PRPS2: variants seen among roughly 807,000 people sequenced by gnomAD.
PRPS2 encodes the protein ribose-phosphate pyrophosphokinase 2.
For missense variants in PRPS2, 104 were observed against 271.5 expected (o/e 0.38, Z 4.34); for synonymous variants, 111 against 115.3 (o/e 0.96, Z 0.24).
intron 3 of PRPS2, 91 bp from the exon 4 acceptor site, chrX:12,809,931 G>A: frequency 9.5e-7 from 1 of 1,052,303 alleles, no homozygotes; most frequent in Non-Finnish European, 1.2e-6. Flanking sequence ...AAATGCAAAT[G>A]TTATTTAATG....
At chrX:12,802,967 T>G (rs1489971157) in intron 2 of PRPS2, among the ~76,000 whole-genome samples, 1 of 112,157 alleles carries the variant, frequency 8.9e-6, no homozygotes, top group African/African-American at 3.2e-5. Flanking sequence ...GTCATGTGGT[T>G]TCTCGTTAGA....
intron 4 of PRPS2, among the ~76,000 whole-genome samples, chrX:12,811,993 C>G (rs773608038): frequency 1.8e-5 from 2 of 111,929 alleles, no homozygotes; most frequent in South Asian, 7.4e-4. Flanking sequence ...TGCAAAGACC[C>G]TAGGTGGGCA....
chrX:12,819,507 G>A lies in PRPS2; in HGVS notation c.531G>A (p.Arg177=), dbSNP rs763947126. Residue 177 remains arginine, a splice_region_variant and synonymous_variant, in exon 5 of 7, where the codon AGG becomes AGA. Transcript: ENST00000380668. ...IVSPDAGGAK[R]VTSIADRLNV... is the part of the protein sequence containing the mutation. Reference sequence around the variant, plus strand: ...ACATGTTCATTTGTGCCTTTGCCAGGGTTACATCAATTGCAGACAGGTTGA... The same window carrying A: ...ACATGTTCATTTGTGCCTTTGCCAGAGTTACATCAATTGCAGACAGGTTGA... The A allele has an allele frequency of 2.5e-6, 3 of 1,207,439 alleles. No homozygotes were observed. The highest frequency in any genetic ancestry group is 3.4e-6 in the Non-Finnish European group (3 of 892,846).
rs1327310650 is a variant in PRPS2 at position 12,823,072 on chromosome X, TCTTC to T, written c.*280_*283del. ...TGACTTTTAACAGGTACAGGTGATC[TCTTC>T]CTTTGTTCTTTCAGTACTTTGAGGC... On this transcript the variant is annotated 3_prime_UTR_variant, in exon 7 of 7. Coordinates refer to ENST00000380668, the MANE Select transcript of PRPS2 (RefSeq NM_002765.5). The T allele has an allele frequency of 3.7e-6, 1 of 270,483 alleles. No homozygotes were observed. Among genetic ancestry groups the T allele is most frequent in the African/African-American group, 2.8e-5 (1 of 35,551 alleles). The allele number at this position is 270,483 out of a possible 1,213,427, so 22.3% of individuals were successfully genotyped here.
In PRPS2 at chrX:12,819,660, C is replaced by T. The variant is rs768490148; in HGVS notation, c.684C>T (p.Thr228=). The T allele has an allele frequency of 3.1e-5, 37 of 1,209,453 alleles. No individual in the cohort carries two copies. Among genetic ancestry groups the T allele is most frequent in the Non-Finnish European group, 4.0e-5 (36 of 894,769 alleles). Residue 228 remains threonine (T), a synonymous_variant, in exon 5 of 7, where the codon ACC becomes ACT. Coordinates refer to ENST00000380668, the MANE Select transcript of PRPS2 (RefSeq NM_002765.5). ...ATGACATGGCTGACACTTGCGGCAC[C>T]ATCTGCCATGCTGCGGACAAGTACG... is the stretch of plus-strand genomic sequence containing the variant. ...LVDDMADTCG[T]ICHAADKLLS...
intron 4 of PRPS2, among the ~76,000 whole-genome samples, chrX:12,817,890 G>C (rs184201693): frequency 1.9e-4 from 21 of 111,237 alleles, no homozygotes; most frequent in Non-Finnish European, 1.3e-4. Flanking sequence ...GGCCTGGGGG[G>C]AGGGGAGAAT....
chrX:12,820,609 C>T (rs750938323), intron 5 of PRPS2, 35 bp from the exon 6 acceptor site: 4 of 1,179,541 alleles, frequency 3.4e-6, no homozygotes, highest in Non-Finnish European at 4.6e-6. Flanking sequence ...AGAATATTTG[C>T]ATACCCTTAA....
chrX:12,808,206 A>G (rs1235885772), intron 2 of PRPS2, among the ~76,000 whole-genome samples: 3 of 111,102 alleles, frequency 2.7e-5, no homozygotes, highest in South Asian at 3.9e-4. Flanking sequence ...CTTTTTAAAA[A>G]GTGGTATATT....
In PRPS2 at chrX:12,822,960, A is replaced by T. The variant is rs1178930475; in HGVS notation, c.*164A>T. The T allele has an allele frequency of 4.6e-6, 2 of 436,583 alleles. No individual in the cohort carries two copies. The highest frequency in any genetic ancestry group is 5.0e-5 in the African/African-American group (2 of 40,341). 36.0% of individuals were successfully genotyped at this position (436,583 alleles called of 1,213,427 possible). On this transcript the variant is annotated 3_prime_UTR_variant, in exon 7 of 7. Transcript: ENST00000380668. ...ATTGTTTCCCCTTCTAAAGCTCAAG[A>T]TCATTTCTTTCCAGTTTTTGGGGAA...
chrX:12,796,948 A>G (rs1161019309), intron 1 of PRPS2, among the ~76,000 whole-genome samples: 1 of 104,767 alleles, frequency 9.5e-6, no homozygotes, highest in Non-Finnish European at 1.9e-5. Flanking sequence ...AAAATCCACA[A>G]TGCTCCAATG....
chrX:12,794,770 C>T (rs1192648599), intron 1 of PRPS2, among the ~76,000 whole-genome samples: 1 of 111,723 alleles, frequency 9.0e-6, no homozygotes, highest in African/African-American at 3.3e-5. Context: ...TCTCTGTCCT[C>T]CCCTGGACTG....
rs761559432 is a variant in PRPS2 at position 12,819,666 on chromosome X, C to T, written c.690C>T (p.Cys230=). The change falls in exon 5 of 7, where the codon TGC becomes TGT. Residue 230 remains cysteine, a synonymous_variant. Coordinates refer to ENST00000380668, the MANE Select transcript of PRPS2 (RefSeq NM_002765.5). ...DDMADTCGTI[C]HAADKLLSAG... is the part of the protein sequence containing the mutation. ...TGGCTGACACTTGCGGCACCATCTG[C>T]CATGCTGCGGACAAGTACGCAGGGC... is the stretch of plus-strand genomic sequence containing the variant. 2 of 1,210,099 alleles carry T rather than the reference C, an allele frequency of 1.7e-6. No homozygotes were observed. Among genetic ancestry groups the T allele is most frequent in the South Asian group, 1.8e-5 (1 of 56,515 alleles).
At chrX:12,799,012 T>G (rs928107912) in intron 1 of PRPS2, among the ~76,000 whole-genome samples, 195 bp from the exon 2 acceptor site, 3 of 111,318 alleles carry the variant, frequency 2.7e-5, no homozygotes, top group Non-Finnish European at 5.7e-5. Context: ...TCCCCCAACT[T>G]CACCCCATGC....
At chrX:12,819,001 G>A (rs1464582028) in intron 4 of PRPS2, among the ~76,000 whole-genome samples, 1 of 111,708 alleles carries the variant, frequency 9.0e-6, no homozygotes, top group Admixed American at 9.5e-5. Flanking sequence ...CACCATTGAT[G>A]TCTGAGCATT....
At chrX:12,818,515 C>T (rs1208890797) in intron 4 of PRPS2, among the ~76,000 whole-genome samples, 2 of 110,690 alleles carry the variant, frequency 1.8e-5, no homozygotes, top group African/African-American at 6.6e-5. Context: ...CATCAGAGCA[C>T]GCGAGGAGCT....
intron 4 of PRPS2, among the ~76,000 whole-genome samples, chrX:12,816,306 G>T (rs776290512): frequency 2.6e-4 from 29 of 110,978 alleles, no homozygotes; most frequent in Middle Eastern, 4.6e-3. Context: ...TTACTATGTG[G>T]TTTTTTTGTT....
At position 12,808,116 on chromosome X, in the gene PRPS2, C is replaced by G. The variant is rs148752629; in HGVS notation, c.307-1118C>G. Among the ~76,000 whole-genome samples the G allele has an allele frequency of 3.0e-3, 336 of 111,237 alleles. 5 individuals carry two copies. Among genetic ancestry groups the G allele is most frequent in the African/African-American group, 0.011 (327 of 30,646 alleles). ...TCTTCTGATCTCGTGATCCGCCCAC[C>G]TCGGCCTCCCAAAGTGCTGAGATTA... On this transcript the variant is annotated intron_variant, in intron 2 of 6. Transcript: ENST00000380668.
intron 4 of PRPS2, among the ~76,000 whole-genome samples, chrX:12,811,636 G>T (rs749264745): frequency 3.6e-5 from 4 of 112,000 alleles, no homozygotes; most frequent in African/African-American, 1.3e-4. Context: ...GAGGAGTGAT[G>T]AGAGTGACAA....
intron 1 of PRPS2, among the ~76,000 whole-genome samples, chrX:12,795,042 C>T (rs1378382453): frequency 9.0e-6 from 1 of 111,311 alleles, no homozygotes; most frequent in Non-Finnish European, 1.9e-5. Flanking sequence ...GTGCCTTTTC[C>T]GGTTTCCAGA....
Sources: allele counts gnomAD v4.1 joint callset (sites outside exome capture counted in the v4.1 genomes callset), GRCh38; gene constraint gnomAD v4.1.1; transcripts MANE v1.5; gene names NCBI Gene and HGNC (gene_info 2026-07-23, HGNC 2026-07-21).